The following LYPLAL1 variants were observed in gnomAD, a reference collection of about 807,000 sequenced individuals.
The protein encoded by LYPLAL1 is lysophospholipase like 1.
LYPLAL1 carries 23 observed loss-of-function variants against 19.7 expected under a neutral mutation model. The observed-to-expected ratio is 1.17, with a 90% CI of 0.84 to 1.65. The LOEUF (loss-of-function observed/expected upper bound fraction) is 1.65, where lower values mean the gene tolerates loss of function less well. Among genes scored for constraint, LYPLAL1 ranks in the 40% most tolerant of loss-of-function variants. LYPLAL1 has a pLI of 0.00. For missense variants in LYPLAL1, 355 were observed against 279.4 expected, an observed-to-expected ratio of 1.27 and a Z score of -1.93; for synonymous variants, 119 against 96.3, an observed-to-expected ratio of 1.24 and a Z score of -1.38.
the LYPLAL1 span, among the ~76,000 whole-genome samples, chr1:219,330,795 G>A: frequency 2.7e-4 from 41 of 152,234 alleles, no homozygotes; most frequent in East Asian, 1.9e-3. Flanking sequence ...CATTCTTTGC[G>A]TTCGCATCTG....
At chr1:219,187,138 C>G (rs1429448357) in intron 2 of LYPLAL1, among the ~76,000 whole-genome samples, 1 of 151,192 alleles carries the variant, frequency 6.6e-6, no homozygotes, top group Non-Finnish European at 1.5e-5. Flanking sequence ...CTGTATCAAA[C>G]AAGGTTATAA....
the LYPLAL1 span, among the ~76,000 whole-genome samples, chr1:219,394,169 G>T: frequency 6.6e-6 from 1 of 152,016 alleles, no homozygotes; most frequent in Non-Finnish European, 1.5e-5. Context: ...ATGAGGATAT[G>T]TTTTTGTTAA....
chr1:219,283,194 G>A, the LYPLAL1 span, among the ~76,000 whole-genome samples: 3 of 152,116 alleles, frequency 2.0e-5, no homozygotes, highest in Admixed American at 6.6e-5. Flanking sequence ...GCTCTTATCC[G>A]GCACCCAGTA....
chr1:219,340,369 A>G, the LYPLAL1 span, among the ~76,000 whole-genome samples: 1 of 152,006 alleles, frequency 6.6e-6, no homozygotes, highest in Admixed American at 6.6e-5. Context: ...AGCTACCTAG[A>G]TCTCGCTTCT....
At chr1:219,234,750 A>T in the LYPLAL1 span, among the ~76,000 whole-genome samples, 1 of 152,256 alleles carries the variant, frequency 6.6e-6, no homozygotes, top group African/African-American at 2.4e-5. Flanking sequence ...CATTTATATA[A>T]CATAACGTGA....
chr1:219,217,265 ATAATT>A (rs953219366), downstream of LYPLAL1, among the ~76,000 whole-genome samples: 6 of 152,232 alleles, frequency 3.9e-5, no homozygotes, highest in African/African-American at 1.4e-4. Context: ...TATACCAAAT[ATAATT>A]TAAAGGAAAG....
intron 3 of LYPLAL1, among the ~76,000 whole-genome samples, chr1:219,196,079 T>C (rs772938610): frequency 5.9e-5 from 9 of 152,174 alleles, no homozygotes; most frequent in African/African-American, 1.9e-4. Flanking sequence ...CAGTCTGTCA[T>C]TGATGGGCGT....
At chr1:219,178,805 T>C (rs1037448122) in intron 1 of LYPLAL1, among the ~76,000 whole-genome samples, 2 of 152,142 alleles carry the variant, frequency 1.3e-5, no homozygotes, top group Non-Finnish European at 2.9e-5. Flanking sequence ...AAAAGTCACA[T>C]ATAAATACAG....
At chr1:219,264,027 C>A in the LYPLAL1 span, among the ~76,000 whole-genome samples, 15 of 152,162 alleles carry the variant, frequency 9.9e-5, no homozygotes, top group African/African-American at 2.7e-4. Flanking sequence ...CAACTGGGAG[C>A]TGCCCATTAG....
chr1:219,281,531 GAGA>G, the LYPLAL1 span, among the ~76,000 whole-genome samples: 1 of 152,076 alleles, frequency 6.6e-6, no homozygotes, highest in African/African-American at 2.4e-5. Flanking sequence ...TGGAGTTCAG[GAGA>G]AGGTTTGGAA....
the LYPLAL1 span, among the ~76,000 whole-genome samples, chr1:219,427,184 C>G: frequency 6.6e-6 from 1 of 152,304 alleles, no homozygotes; most frequent in Admixed American, 6.5e-5. Flanking sequence ...GTGGCCAAAA[C>G]TGCCTTCAAC....
chr1:219,217,242 C>T (rs1659322071), downstream of LYPLAL1, among the ~76,000 whole-genome samples: 1 of 152,066 alleles, frequency 6.6e-6, no homozygotes, highest in South Asian at 2.1e-4. Context: ...ATGCTTGTGA[C>T]ATGTTCAGTG....
chr1:219,229,023 A>G, the LYPLAL1 span, among the ~76,000 whole-genome samples: 3 of 151,872 alleles, frequency 2.0e-5, no homozygotes, highest in African/African-American at 7.2e-5. Flanking sequence ...CTTCACCACA[A>G]CCCTTTGAAA....
the LYPLAL1 span, among the ~76,000 whole-genome samples, chr1:219,366,207 A>G: frequency 6.6e-6 from 1 of 152,180 alleles, no homozygotes; most frequent in East Asian, 1.9e-4. Flanking sequence ...GAAACAAAAT[A>G]TCTTACAAAA....
the LYPLAL1 span, among the ~76,000 whole-genome samples, chr1:219,429,494 C>CA: frequency 6.6e-6 from 1 of 151,948 alleles, no homozygotes; most frequent in Admixed American, 6.6e-5. Flanking sequence ...CCTGTCTCTA[C>CA]AAAAAATTTA....
chr1:219,273,978 T>C, the LYPLAL1 span, among the ~76,000 whole-genome samples: 7 of 152,328 alleles, frequency 4.6e-5, no homozygotes, highest in South Asian at 1.4e-3. Flanking sequence ...GCCAGGCTTG[T>C]CTCGAACTCC....
chr1:219,267,086 T>C, the LYPLAL1 span, among the ~76,000 whole-genome samples: 1 of 152,084 alleles, frequency 6.6e-6, no homozygotes, highest in Non-Finnish European at 1.5e-5. Context: ...AACTTCAGCT[T>C]TTGTATGGTA....
At chr1:219,283,374 T>A in the LYPLAL1 span, among the ~76,000 whole-genome samples, 1 of 152,284 alleles carries the variant, frequency 6.6e-6, no homozygotes, top group East Asian at 1.9e-4. Context: ...GAATTATCGA[T>A]GAAGAAATAG....
the LYPLAL1 span, among the ~76,000 whole-genome samples, chr1:219,229,853 A>G: frequency 1.3e-5 from 2 of 152,146 alleles, no homozygotes; most frequent in Non-Finnish European, 2.9e-5. Flanking sequence ...CTAAACTAAT[A>G]TTATCAAGGT....
Sources: gnomAD v4.1 joint callset for allele counts (sites outside exome capture counted in the v4.1 genomes callset) on GRCh38, gnomAD v4.1.1 for gene constraint, MANE v1.5 for transcripts, NCBI Gene and HGNC (gene_info 2026-07-23, HGNC 2026-07-21) for gene names.